Variants in KCNIP1 observed in about 807,000 individuals in gnomAD.
KCNIP1 encodes the protein A-type potassium channel modulatory protein KCNIP1.
A neutral mutation model predicts 33.0 loss-of-function variants in KCNIP1; 18 were observed. The observed-to-expected ratio is 0.55, with a 90% confidence interval of 0.38 to 0.81. KCNIP1 has a LOEUF of 0.81. Ranked by LOEUF, KCNIP1 falls within the 30% of genes least tolerant of loss-of-function variation. KCNIP1 has a pLI of 0.00. For missense variants in KCNIP1, 238 were observed against 271.6 expected (o/e 0.88, Z 0.87); for synonymous variants, 93 against 98.3 (o/e 0.95, Z 0.32).
intron 1 of KCNIP1, among the ~76,000 whole-genome samples, chr5:170,566,614 C>T (rs1415677717): frequency 2.0e-5 from 3 of 152,122 alleles, no homozygotes; most frequent in African/African-American, 4.8e-5. Flanking sequence ...CAGGAGACCT[C>T]GTAGTCTACA....
At chr5:170,531,515 G>A (rs1755787754) in intron 1 of KCNIP1, among the ~76,000 whole-genome samples, 1 of 152,082 alleles carries the variant, frequency 6.6e-6, no homozygotes, top group Non-Finnish European at 1.5e-5. Flanking sequence ...ATCATCCCCG[G>A]GCAAGCCCAC....
At chr5:170,509,109 C>T (rs372542586) in intron 1 of KCNIP1, among the ~76,000 whole-genome samples, 67 of 152,298 alleles carry the variant, frequency 4.4e-4, no homozygotes, top group African/African-American at 1.5e-3. Flanking sequence ...AGTTAGCTTC[C>T]CACCGGAATT....
intron 1 of KCNIP1, among the ~76,000 whole-genome samples, chr5:170,600,179 G>A (rs1758637736): frequency 6.6e-6 from 1 of 152,202 alleles, no homozygotes; most frequent in Non-Finnish European, 1.5e-5. Flanking sequence ...CTGAACTCAG[G>A]TAACTGGTCC....
chr5:170,553,227 A>T (rs1470455984), intron 1 of KCNIP1, among the ~76,000 whole-genome samples: 1 of 152,272 alleles, frequency 6.6e-6, no homozygotes, highest in Non-Finnish European at 1.5e-5. Flanking sequence ...ACAGGGAAGG[A>T]TGCCTGGAGA....
intron 1 of KCNIP1, among the ~76,000 whole-genome samples, chr5:170,577,476 G>A (rs149336743): frequency 2.2e-4 from 34 of 152,308 alleles, no homozygotes; most frequent in Non-Finnish European, 3.4e-4. Context: ...CGTCTGTTGC[G>A]TGTGAATGTC....
chr5:170,379,087 T>C, intron 1 of KCNIP1: 1 of 1,295,644 alleles, frequency 7.7e-7, no homozygotes, highest in Non-Finnish European at 1.1e-6. Context: ...TGGATTGGAG[T>C]CGGGGCTTTG....
At chr5:170,514,383 A>G (rs1755050861) in intron 1 of KCNIP1, among the ~76,000 whole-genome samples, 1 of 152,222 alleles carries the variant, frequency 6.6e-6, no homozygotes, top group South Asian at 2.1e-4. Flanking sequence ...GGGTGTCTTC[A>G]GGAGGCTTCC....
At chr5:170,657,736 T>C (rs1342494117) in intron 1 of KCNIP1, among the ~76,000 whole-genome samples, 3 of 152,200 alleles carry the variant, frequency 2.0e-5, no homozygotes, top group African/African-American at 7.2e-5. Flanking sequence ...TAAGAGTGCA[T>C]GTGTGTACCT....
At chr5:170,668,203 C>G (rs540211508) in intron 1 of KCNIP1, among the ~76,000 whole-genome samples, 4 of 152,336 alleles carry the variant, frequency 2.6e-5, no homozygotes, top group African/African-American at 7.2e-5. Context: ...AAGCCACAGG[C>G]AGAAAGAGTA....
At chr5:170,631,199 C>T (rs1760039484) in intron 1 of KCNIP1, among the ~76,000 whole-genome samples, 1 of 152,146 alleles carries the variant, frequency 6.6e-6, no homozygotes, top group African/African-American at 2.4e-5. Context: ...GGGCTGTTGT[C>T]CTAACTGCCC....
At chr5:170,387,326 T>G in intron 1 of KCNIP1, among the ~76,000 whole-genome samples, 1 of 152,106 alleles carries the variant, frequency 6.6e-6, no homozygotes, top group East Asian at 1.9e-4. Context: ...TCCAAAGAGA[T>G]TTTCTGCAAA....
intron 1 of KCNIP1, among the ~76,000 whole-genome samples, chr5:170,609,711 G>T (rs931518361): frequency 5.3e-5 from 8 of 152,046 alleles, no homozygotes; most frequent in Non-Finnish European, 8.8e-5. Flanking sequence ...CAAAAAATTA[G>T]CCAAGCATGG....
At chr5:170,416,867 T>A (rs958519139) in intron 1 of KCNIP1, among the ~76,000 whole-genome samples, 1 of 152,192 alleles carries the variant, frequency 6.6e-6, no homozygotes, top group African/African-American at 2.4e-5. Context: ...TTTTCCCAGA[T>A]TCACTAAAAT....
intron 1 of KCNIP1, among the ~76,000 whole-genome samples, chr5:170,632,918 T>C (rs976045827): frequency 6.6e-6 from 1 of 152,232 alleles, no homozygotes; most frequent in East Asian, 1.9e-4. Context: ...CAGCAGGTCC[T>C]GCACAGCGTT....
At chr5:170,519,869 T>C (rs932946486) in intron 1 of KCNIP1, among the ~76,000 whole-genome samples, 2 of 152,086 alleles carry the variant, frequency 1.3e-5, no homozygotes, top group African/African-American at 2.4e-5. Context: ...TCATTTGTAT[T>C]GTTGTGATTG....
intron 1 of KCNIP1, among the ~76,000 whole-genome samples, chr5:170,578,702 C>A (rs867149441): frequency 6.6e-6 from 1 of 152,102 alleles, no homozygotes; most frequent in South Asian, 2.1e-4. Flanking sequence ...GGACAATAGA[C>A]AAACAAATAT....
intron 3 of KCNIP1, 123 bp from the exon 4 acceptor site, chr5:170,721,710 T>G (rs1763830220): frequency 1.9e-6 from 3 of 1,609,248 alleles, no homozygotes. Flanking sequence ...TCCATAATTT[T>G]CTCCTTTCCA....
chr5:170,363,679 C>G (rs1228729760), intron 1 of KCNIP1, among the ~76,000 whole-genome samples: 2 of 152,190 alleles, frequency 1.3e-5, no homozygotes, highest in African/African-American at 4.8e-5. Context: ...TGCATAGCAT[C>G]CTTTCCTATA....
chr5:170,364,790 G>T (rs1247908742), intron 1 of KCNIP1, among the ~76,000 whole-genome samples: 1 of 152,180 alleles, frequency 6.6e-6, no homozygotes, highest in Non-Finnish European at 1.5e-5. Context: ...AAATGTCTAT[G>T]TTTAAGGTAT....
Sources: gnomAD v4.1 joint callset for allele counts (sites outside exome capture counted in the v4.1 genomes callset) on GRCh38, gnomAD v4.1.1 for gene constraint, MANE v1.5 for transcripts, NCBI Gene and HGNC (gene_info 2026-07-23, HGNC 2026-07-21) for gene names.